Variants in MYZAP observed in about 807,000 individuals in gnomAD.
The protein encoded by MYZAP is GRINL1A complex locus upstream.
In MYZAP, 66 loss-of-function variants were observed where a neutral mutation model predicts 69.4. That is an observed-to-expected ratio of 0.95 (90% CI 0.78 to 1.17). The LOEUF (loss-of-function observed/expected upper bound fraction) is 1.17, where lower values mean the gene tolerates loss of function less well. Among genes scored for constraint, MYZAP ranks in the 50% most tolerant of loss-of-function variants. The pLI, the probability that MYZAP is intolerant of heterozygous loss-of-function variation, is 0.00. For synonymous variants in MYZAP, 256 were observed against 205.9 expected (o/e 1.24, Z -2.09); for missense variants, 611 against 556.2 (o/e 1.10, Z -0.99).
intron 10 of MYZAP, chr15:57,647,867 G>A: frequency 1.0e-6 from 1 of 985,358 alleles, no homozygotes; most frequent in East Asian, 1.1e-4. Context: ...TTTCCTGCCT[G>A]TACTGTGATA....
chr15:57,656,850 C>T (rs918183307), intron 10 of MYZAP, among the ~76,000 whole-genome samples: 1 of 152,186 alleles, frequency 6.6e-6, no homozygotes, highest in African/African-American at 2.4e-5. Flanking sequence ...CAATAGCATA[C>T]TTGTTTCTTG....
At position 57,594,413 on chromosome 15, in the gene MYZAP, G is replaced by A. The variant is rs1423732928; in HGVS notation, c.75+2304G>A. Among the ~76,000 whole-genome samples the A allele has an allele frequency of 6.6e-5, 10 of 152,274 alleles. No individual in the cohort carries two copies. In the East Asian group the frequency reaches 7.7e-4, roughly 12 times the overall value. ...TTATAGGCATGAGCCACCCAGCCCC[G>A]CCTACTGGTGATGTTTGAGTTTAAT... On this transcript the variant is annotated intron_variant, in intron 1 of 12. Coordinates refer to ENST00000267853, the MANE Select transcript of MYZAP (RefSeq NM_001018100.5).
chr15:57,612,883 T>A (rs1232863249), intron 2 of MYZAP, among the ~76,000 whole-genome samples: 1 of 152,104 alleles, frequency 6.6e-6, no homozygotes, highest in Admixed American at 6.5e-5. Context: ...TTCAGTTAAT[T>A]TTCCTTCTTT....
In MYZAP at chr15:57,612,216, G is replaced by A. The variant is rs536742798; in HGVS notation, c.163-5817G>A. Among the ~76,000 whole-genome samples, 3 of 152,228 alleles carry A rather than the reference G, an allele frequency of 2.0e-5. No individual in the cohort carries two copies. The East Asian group carries it at 5.8e-4, about 29-fold the overall frequency. On this transcript the variant is annotated intron_variant, in intron 2 of 12. Transcript: ENST00000267853. ...AAAGAGGTCTGAAGTAAGAAGTTTT[G>A]GAAATAACTTGGCTTCCAGTCTGGA...
At chr15:57,625,690 T>A in intron 4 of MYZAP, 89 bp from the exon 5 acceptor site, 2 of 1,188,800 alleles carry the variant, frequency 1.7e-6, no homozygotes, top group Non-Finnish European at 2.5e-6. Flanking sequence ...TAGATGTGGC[T>A]TCTAACAGAA....
At chr15:57,625,219 G>A (rs557947833) in intron 4 of MYZAP, among the ~76,000 whole-genome samples, 15 of 152,186 alleles carry the variant, frequency 9.9e-5, no homozygotes, top group Admixed American at 3.3e-4. Context: ...GATTACAAGC[G>A]TGCGTCACCA....
intron 12 of MYZAP, chr15:57,680,616 A>C (rs770928524): frequency 6.6e-6 from 1 of 152,158 alleles, no homozygotes; most frequent in African/African-American, 2.4e-5. Context: ...TCTAGCCTTC[A>C]TTTACAAAGA....
At chr15:57,661,820 C>T (rs923697771) in intron 11 of MYZAP, among the ~76,000 whole-genome samples, 44 of 152,158 alleles carry the variant, frequency 2.9e-4, no homozygotes, top group Admixed American at 3.9e-4. Context: ...CTGATAATTC[C>T]CCGCATTTGT....
chr15:57,682,914 A>G (rs1595952142), intron 12 of MYZAP, among the ~76,000 whole-genome samples: 1 of 152,184 alleles, frequency 6.6e-6, no homozygotes, highest in South Asian at 2.1e-4. Flanking sequence ...GAATTTCTAG[A>G]TGTGAATTTC....
chr15:57,658,028 TTTCTG>T (rs1302161107), intron 10 of MYZAP, among the ~76,000 whole-genome samples: 2 of 152,222 alleles, frequency 1.3e-5, no homozygotes, highest in African/African-American at 4.8e-5. Flanking sequence ...CTTACGGGTG[TTTCTG>T]TTCTATTTTG....
chr15:57,624,752 C>T (rs781673123), intron 4 of MYZAP, among the ~76,000 whole-genome samples: 1 of 152,194 alleles, frequency 6.6e-6, no homozygotes, highest in Non-Finnish European at 1.5e-5. Flanking sequence ...CCTACTGCAG[C>T]CAGATTAAGA....
intron 2 of MYZAP, among the ~76,000 whole-genome samples, chr15:57,610,147 T>C (rs1209227696): frequency 2.0e-5 from 3 of 152,190 alleles, no homozygotes; most frequent in African/African-American, 7.2e-5. Context: ...GCTTTGGAGG[T>C]GTCCTTCAGT....
rs1411122420 is a variant in MYZAP, at chr15:57,684,633, C to G, written c.*135C>G. 1.5e-6 allele frequency: 1 copy of G among 647,506 alleles called. No individual in the cohort carries two copies. The highest frequency in any genetic ancestry group is 1.8e-5 in the African/African-American group (1 of 55,192). The allele number at this position is 647,506 out of a possible 1,614,324, so 40.1% of individuals were successfully genotyped here. The stretch of plus-strand genomic sequence containing the variant: ...GAATGGGAATCGCTGAGGCTCTGAT[C>G]CACTTCTAAGACAGGAAGGAAAGTG... On this transcript the variant is annotated 3_prime_UTR_variant, in exon 13 of 13. Coordinates refer to ENST00000267853, the MANE Select transcript of MYZAP (RefSeq NM_001018100.5).
At position 57,674,105 on chromosome 15, in the gene MYZAP, G is replaced by A. The variant is rs118177208; in HGVS notation, c.1204-863G>A. Reference sequence around the variant, plus strand: ...AAAAAGCATCCCAGAATCTCAATACGCAGACATAACCACTGTTCACTTCTT... The same window carrying A: ...AAAAAGCATCCCAGAATCTCAATACACAGACATAACCACTGTTCACTTCTT... On this transcript the variant is annotated intron_variant, in intron 11 of 12. Transcript: ENST00000267853. Among the ~76,000 whole-genome samples the A allele has an allele frequency of 1.3e-3, 202 of 152,170 alleles. 3 individuals are homozygous for A. Among genetic ancestry groups the A allele is most frequent in the Admixed American group, 9.3e-3 (142 of 15,280 alleles).
At chr15:57,647,774 T>A in intron 10 of MYZAP, 1 of 985,440 alleles carries the variant, frequency 1.0e-6, no homozygotes, top group Non-Finnish European at 1.2e-6. Flanking sequence ...ATTGTTGATC[T>A]TCTTAGATCT....
intron 8 of MYZAP, among the ~76,000 whole-genome samples, chr15:57,634,935 C>G (rs538201020): frequency 1.3e-5 from 2 of 152,248 alleles, no homozygotes; most frequent in South Asian, 4.2e-4. Context: ...TGAGCTTCCT[C>G]CCACATTATT....
At chr15:57,616,983 G>A (rs1217845629) in intron 2 of MYZAP, among the ~76,000 whole-genome samples, 1 of 151,846 alleles carries the variant, frequency 6.6e-6, no homozygotes, top group Non-Finnish European at 1.5e-5. Context: ...AAAACTGAGA[G>A]AAGGTCAGTT....
intron 2 of MYZAP, among the ~76,000 whole-genome samples, chr15:57,616,515 A>G (rs1401817895): frequency 6.6e-6 from 1 of 152,162 alleles, no homozygotes; most frequent in Non-Finnish European, 1.5e-5. Flanking sequence ...GCGCGCTTCT[A>G]GTCCCAGCTA....
intron 1 of MYZAP, chr15:57,599,818 G>A (rs1227241141): frequency 4.2e-6 from 3 of 721,032 alleles, no homozygotes; most frequent in African/African-American, 3.6e-5. Context: ...GTGGTTCAGG[G>A]GTTACTGTCC....
Sources: allele counts gnomAD v4.1 joint callset (sites outside exome capture counted in the v4.1 genomes callset), GRCh38; gene constraint gnomAD v4.1.1; transcripts MANE v1.5; gene names NCBI Gene and HGNC (gene_info 2026-07-23, HGNC 2026-07-21).